The following PDE10A variants were observed in gnomAD, a reference collection of about 807,000 sequenced individuals.
PDE10A encodes phosphodiesterase 10A, also known as cAMP and cAMP-inhibited cGMP 3',5'-cyclic phosphodiesterase 10A.
Under a neutral mutation model 97.7 loss-of-function variants are expected in PDE10A, and 39 were observed. That is an observed-to-expected ratio of 0.40 (90% CI 0.31 to 0.52). PDE10A has a LOEUF of 0.52. Among genes scored for constraint, PDE10A ranks in the 20% least tolerant of loss-of-function variants. The pLI, the probability that PDE10A is intolerant of heterozygous loss-of-function variation, is 0.56. For synonymous variants in PDE10A, 371 were observed against 376.8 expected, an observed-to-expected ratio of 0.98 and a Z score of 0.18; for missense variants, 731 against 1,047.8, an observed-to-expected ratio of 0.70 and a Z score of 4.17.
intron 1 of PDE10A, among the ~76,000 whole-genome samples, chr6:165,581,386 C>T (rs183996717): frequency 6.6e-6 from 1 of 152,118 alleles, no homozygotes; most frequent in African/African-American, 2.4e-5. Flanking sequence ...TTAGTGCCCT[C>T]ACAAGAGCTG....
At position 165,943,215 on chromosome 6, in the gene PDE10A, GAA is replaced by G. The variant is rs1245257827; in HGVS notation, c.-615+44312_-615+44313del. Among the ~76,000 whole-genome samples, 87 of 76,496 alleles carry G rather than the reference GAA, an allele frequency of 1.1e-3. 4 individuals carry two copies. The highest frequency in any genetic ancestry group is 4.7e-3 in the African/African-American group (77 of 16,358). The allele number at this position is 76,496 out of a possible 152,430, so 50.2% of individuals were successfully genotyped here. ...AGAAAGAAAGAAAGAAAGAAAGAAA[GAA>G]AGAAAGAAAGAAAGAAAGAAGGAAG... On this transcript the variant is annotated intron_variant, in intron 1 of 19. Coordinates refer to the PDE10A transcript ENST00000366882.
chr6:165,334,359 G>A (rs9459371), intron 21 of PDE10A, among the ~76,000 whole-genome samples: 10,007 of 146,172 alleles, frequency 0.068, 375 homozygotes, highest in Middle Eastern at 0.17. Context: ...CGCCGGGCAC[G>A]CGCCTCCATA....
At chr6:165,625,194 G>A (rs957992028) in intron 1 of PDE10A, among the ~76,000 whole-genome samples, 4 of 152,240 alleles carry the variant, frequency 2.6e-5, no homozygotes, top group African/African-American at 9.6e-5. Context: ...CCACAGAAGT[G>A]AGACAGCTGA....
At chr6:165,392,107 G>T (rs766067187) in intron 16 of PDE10A, among the ~76,000 whole-genome samples, 1 of 152,188 alleles carries the variant, frequency 6.6e-6, no homozygotes, top group Non-Finnish European at 1.5e-5. Context: ...GACTTTGACT[G>T]TGGTTGATGA....
chr6:165,357,956 T>C (rs73261574), intron 18 of PDE10A, among the ~76,000 whole-genome samples: 3 of 152,268 alleles, frequency 2.0e-5, no homozygotes, highest in Non-Finnish European at 2.9e-5. Flanking sequence ...TTGAAAGTTA[T>C]ACATTTCCCT....
At position 165,881,040 on chromosome 6, in the gene PDE10A, A is replaced by T. The variant is rs1028293123; in HGVS notation, c.-615+106489T>A. On this transcript the variant is annotated intron_variant, in intron 1 of 19. Transcript: ENST00000366882. ...TTTCTTTGTGTTCTTTAAACCACAC[A>T]AACCACGTTTTTGAACAAAAAAGAA... 4.5e-4 allele frequency among the ~76,000 whole-genome samples: 68 copies of T among 152,358 alleles called. 1 individual carries two copies. Among genetic ancestry groups the T allele is most frequent in the African/African-American group, 1.6e-3 (66 of 41,582 alleles).
intron 10 of PDE10A, 63 bp downstream of exon 10, chr6:165,428,595 C>T: frequency 1.4e-6 from 1 of 698,942 alleles, no homozygotes; most frequent in East Asian, 2.9e-5. Context: ...AATGTTATGC[C>T]ATATATTAGC....
rs1779518581 is a variant in PDE10A, at chr6:165,819,767, G to A, written c.-615+167762C>T. ...CGGCCAGGATCTGAAACCTACTGCA[G>A]TGCCTACAACAGTGCCTGCCACACA... On this transcript the variant is annotated intron_variant, in intron 1 of 19. Coordinates refer to the PDE10A transcript ENST00000366882. The surrounding 1 kb of genome is among the most constrained non-coding windows in gnomAD (Gnocchi z 4.2). Among the ~76,000 whole-genome samples the A allele has an allele frequency of 6.6e-6, 1 of 152,210 alleles. No homozygotes were observed. Among genetic ancestry groups the A allele is most frequent in the Admixed American group, 6.5e-5 (1 of 15,280 alleles).
chr6:165,338,080 T>A (rs373928143), intron 20 of PDE10A, among the ~76,000 whole-genome samples: 1 of 152,128 alleles, frequency 6.6e-6, no homozygotes, highest in East Asian at 1.9e-4. Context: ...GACAAAAACT[T>A]CAAAATACAC....
intron 1 of PDE10A, among the ~76,000 whole-genome samples, chr6:165,887,909 T>C (rs1319013002): frequency 6.6e-6 from 1 of 152,222 alleles, no homozygotes. Flanking sequence ...GACAAAGTTC[T>C]TTCAATGGCT....
chr6:165,564,159 G>T (rs1221196590), intron 1 of PDE10A, among the ~76,000 whole-genome samples: 1 of 152,146 alleles, frequency 6.6e-6, no homozygotes, highest in Non-Finnish European at 1.5e-5. Context: ...AATATTTAGA[G>T]TCAAGATTAT....
chr6:165,628,746 A>T (rs1013210179), intron 1 of PDE10A, among the ~76,000 whole-genome samples: 21 of 152,172 alleles, frequency 1.4e-4, no homozygotes, highest in Non-Finnish European at 2.5e-4. Flanking sequence ...TTTCAACCCA[A>T]AATGGTTAAT....
chr6:165,842,388 A>G (rs1562763884), intron 1 of PDE10A, among the ~76,000 whole-genome samples: 1 of 152,224 alleles, frequency 6.6e-6, no homozygotes, highest in Non-Finnish European at 1.5e-5. Flanking sequence ...TTCTGTAATT[A>G]CTGTTATACG....
intron 1 of PDE10A, among the ~76,000 whole-genome samples, chr6:165,733,436 G>A (rs893965394): frequency 6.6e-6 from 1 of 152,136 alleles, no homozygotes; most frequent in East Asian, 1.9e-4. Flanking sequence ...TGAGCTGCCC[G>A]GTCTTCATTT....
At chr6:165,957,161 C>T (rs1337972737) in intron 1 of PDE10A, among the ~76,000 whole-genome samples, 1 of 152,090 alleles carries the variant, frequency 6.6e-6, no homozygotes, top group Non-Finnish European at 1.5e-5. Flanking sequence ...AACACCTTTA[C>T]CTAAAAGCCA....
At chr6:165,697,881 A>C (rs1159757570) in intron 1 of PDE10A, among the ~76,000 whole-genome samples, 2 of 152,234 alleles carry the variant, frequency 1.3e-5, no homozygotes, top group Non-Finnish European at 2.9e-5. Flanking sequence ...ATATTTAACT[A>C]CAATTTTAAA....
At chr6:165,879,226 T>G (rs957022113) in intron 1 of PDE10A, among the ~76,000 whole-genome samples, 3 of 152,232 alleles carry the variant, frequency 2.0e-5, no homozygotes, top group African/African-American at 7.2e-5. Flanking sequence ...AGGTATAACA[T>G]TCATACAATG....
At chr6:165,861,498 G>C (rs535750682) in intron 1 of PDE10A, among the ~76,000 whole-genome samples, 1 of 151,884 alleles carries the variant, frequency 6.6e-6, no homozygotes, top group Non-Finnish European at 1.5e-5. Context: ...GACATAAAGG[G>C]GGGACGAGGG....
At chr6:165,956,129 T>A (rs1477494410) in intron 1 of PDE10A, among the ~76,000 whole-genome samples, 1 of 152,254 alleles carries the variant, frequency 6.6e-6, no homozygotes, top group Non-Finnish European at 1.5e-5. Flanking sequence ...GTGCATTGTA[T>A]GAATTAGTAA....
Sources: gnomAD v4.1 joint callset for allele counts (sites outside exome capture counted in the v4.1 genomes callset) on GRCh38, gnomAD v4.1.1 for gene constraint, Gnocchi (gnomAD v3.1) non-coding constraint, MANE v1.5 for transcripts, NCBI Gene and HGNC (gene_info 2026-07-23, HGNC 2026-07-21) for gene names.